The following CCDC7 variants were observed in gnomAD, a reference collection of about 807,000 sequenced individuals.
The protein encoded by CCDC7 is coiled-coil domain-containing protein 7.
In CCDC7, 183 loss-of-function variants were observed where a neutral mutation model predicts 196.9. The observed-to-expected ratio is 0.93, with a 90% CI of 0.82 to 1.05. The LOEUF is 1.05. CCDC7 is among the 50% of genes least tolerant of loss of function. The pLI is 0.00. For synonymous variants in CCDC7, 525 were observed against 484.6 expected (o/e 1.08, Z -1.10); for missense variants, 1,540 against 1,482.2 (o/e 1.04, Z -0.64).
At chr10:32,708,550 G>A (rs2080221458) in intron 24 of CCDC7, among the ~76,000 whole-genome samples, 1 of 152,148 alleles carries the variant, frequency 6.6e-6, no homozygotes, top group African/African-American at 2.4e-5. Context: ...CAGAATGGGA[G>A]AAAATTTTTG....
intron 30 of CCDC7, among the ~76,000 whole-genome samples, chr10:32,806,173 C>T (rs1045986132): frequency 6.6e-6 from 1 of 152,032 alleles, no homozygotes; most frequent in Admixed American, 6.5e-5. Flanking sequence ...AACCATATCA[C>T]AGGGGAAAGA....
intron 9 of CCDC7, chr10:32,512,714 C>G (rs911284249): frequency 6.6e-5 from 10 of 151,824 alleles, no homozygotes; most frequent in African/African-American, 2.4e-4. Flanking sequence ...TGTGCTCATA[C>G]AGTAGAAAAA....
Position 32,651,738 on chromosome 10 carries a change from G to A in CCDC7, c.2015-12316G>A, listed in dbSNP as rs867636065. Among the ~76,000 whole-genome samples, 105 of 152,242 alleles carry A rather than the reference G, an allele frequency of 6.9e-4. 1 individual carries two copies. Among genetic ancestry groups the A allele is most frequent in the African/African-American group, 2.3e-3 (94 of 41,524 alleles). ...GTCATCTTGGGGCTGACACCTCTCTGGCGGGAAGGGAGGTTTTCTTGGGGC... is the reference window on the plus strand; with the variant it reads ...GTCATCTTGGGGCTGACACCTCTCTAGCGGGAAGGGAGGTTTTCTTGGGGC... On this transcript the variant is annotated intron_variant, in intron 20 of 41. Transcript: ENST00000639629.
intron 30 of CCDC7, among the ~76,000 whole-genome samples, chr10:32,806,387 A>G (rs2085864911): frequency 6.6e-6 from 1 of 152,236 alleles, no homozygotes; most frequent in Non-Finnish European, 1.5e-5. Context: ...AGGCAAAAAA[A>G]CAGCTTATGA....
At chr10:32,872,637 T>C (rs892773270) in intron 41 of CCDC7, among the ~76,000 whole-genome samples, 7 of 152,094 alleles carry the variant, frequency 4.6e-5, no homozygotes, top group Admixed American at 2.6e-4. Flanking sequence ...CTAGCATCGA[T>C]GGTCTTTACA....
chr10:32,683,375 A>G (rs185241993), intron 21 of CCDC7, among the ~76,000 whole-genome samples: 1 of 152,318 alleles, frequency 6.6e-6, no homozygotes, highest in Non-Finnish European at 1.5e-5. Flanking sequence ...TACCACTACC[A>G]TGCTGTTTTG....
At chr10:32,760,262 T>G (rs1216362465) in intron 28 of CCDC7, among the ~76,000 whole-genome samples, 1 of 152,158 alleles carries the variant, frequency 6.6e-6, no homozygotes, top group Non-Finnish European at 1.5e-5. Context: ...CCCAAAGGAT[T>G]ATAAATGATA....
chr10:32,540,604 C>T (rs900136729), intron 11 of CCDC7, among the ~76,000 whole-genome samples: 1 of 152,174 alleles, frequency 6.6e-6, no homozygotes. Context: ...TCTTATTTCT[C>T]TTCCACTTAT....
At chr10:32,693,285 A>G (rs911346016) in intron 23 of CCDC7, among the ~76,000 whole-genome samples, 1 of 152,210 alleles carries the variant, frequency 6.6e-6, no homozygotes, top group African/African-American at 2.4e-5. Context: ...TTAGAGGAGT[A>G]TATTTTCTTC....
At chr10:32,558,787 A>G (rs2054801468) in intron 13 of CCDC7, among the ~76,000 whole-genome samples, 1 of 152,238 alleles carries the variant, frequency 6.6e-6, no homozygotes. Flanking sequence ...TACTGGGTTC[A>G]TCTCACTAGG....
At chr10:32,446,699 T>C (rs2031168526), upstream of CCDC7, 1 of 152,226 alleles carries the variant, frequency 6.6e-6, no homozygotes. Context: ...ACGGATGCAC[T>C]TGGGCGAAGT....
intron 28 of CCDC7, among the ~76,000 whole-genome samples, chr10:32,776,221 T>C (rs1416378420): frequency 6.6e-6 from 1 of 150,742 alleles, no homozygotes; most frequent in Admixed American, 6.6e-5. Context: ...GCATGGCACA[T>C]GTATACATAT....
intron 32 of CCDC7, among the ~76,000 whole-genome samples, chr10:32,828,911 T>C (rs1302180390): frequency 2.0e-5 from 3 of 152,200 alleles, no homozygotes; most frequent in African/African-American, 7.2e-5. Context: ...GAGGTCTTAG[T>C]TCCAGAGGGA....
intron 13 of CCDC7, among the ~76,000 whole-genome samples, chr10:32,561,037 C>CAG: frequency 3.4e-5 from 1 of 29,570 alleles, no homozygotes; most frequent in East Asian, 2.5e-3. Flanking sequence ...TCTGATAAAA[C>CAG]AGACTTTAAA....
intron 41 of CCDC7, among the ~76,000 whole-genome samples, chr10:32,857,949 T>TA (rs2093816976): frequency 6.6e-6 from 1 of 151,944 alleles, no homozygotes; most frequent in Non-Finnish European, 1.5e-5. Context: ...GAAGACATTA[T>TA]AGTAGATACC....
At chr10:32,698,962 G>A (rs2078179574) in intron 24 of CCDC7, among the ~76,000 whole-genome samples, 1 of 152,128 alleles carries the variant, frequency 6.6e-6, no homozygotes, top group Non-Finnish European at 1.5e-5. Context: ...GAGAAAGTTC[G>A]GGTTAACCAC....
chr10:32,709,253 T>C (rs1366722845), intron 24 of CCDC7, among the ~76,000 whole-genome samples: 2 of 135,996 alleles, frequency 1.5e-5, no homozygotes, highest in African/African-American at 5.6e-5. Flanking sequence ...TTCTCACTCA[T>C]AGGTGGGAAT....
intron 18 of CCDC7, among the ~76,000 whole-genome samples, chr10:32,598,496 G>A (rs1027527273): frequency 1.3e-5 from 2 of 152,128 alleles, no homozygotes; most frequent in Non-Finnish European, 2.9e-5. Context: ...CTGCACCCAC[G>A]TGTCTGGGAA....
chr10:32,639,694 C>A (rs1370714371), intron 20 of CCDC7, among the ~76,000 whole-genome samples: 1 of 148,840 alleles, frequency 6.7e-6, no homozygotes, highest in Non-Finnish European at 1.5e-5. Context: ...GTGGCACGAT[C>A]TCGGCTCACT....
Sources: gnomAD v4.1 joint callset for allele counts (sites outside exome capture counted in the v4.1 genomes callset) on GRCh38, gnomAD v4.1.1 for gene constraint, MANE v1.5 for transcripts, NCBI Gene and HGNC (gene_info 2026-07-23, HGNC 2026-07-21) for gene names.